ZCCHC14: variants seen among roughly 807,000 people sequenced by gnomAD.
The protein encoded by ZCCHC14 is zinc finger CCHC-type containing 14.
In ZCCHC14, 16 loss-of-function variants were observed where a neutral mutation model predicts 85.0. The observed-to-expected ratio is 0.19, with a 90% CI of 0.13 to 0.29. ZCCHC14 has a LOEUF of 0.29. Ranked by LOEUF, ZCCHC14 falls within the 10% of genes least tolerant of loss-of-function variation. ZCCHC14 has a pLI of 1.00. For synonymous variants in ZCCHC14, 775 were observed against 630.7 expected (o/e 1.23, Z -3.43); for missense variants, 1,303 against 1,443.5 (o/e 0.90, Z 1.58).
chr16:87,490,014 G>A (rs1912680839), intron 1 of ZCCHC14, among the ~76,000 whole-genome samples: 1 of 152,134 alleles, frequency 6.6e-6, no homozygotes, highest in Non-Finnish European at 1.5e-5. Context: ...GGCATGTCAA[G>A]GCTTACATGG....
chr16:87,449,979 A>AGGCT (rs1910617075), intron 2 of ZCCHC14, among the ~76,000 whole-genome samples: 1 of 152,242 alleles, frequency 6.6e-6, no homozygotes, highest in Admixed American at 6.5e-5. Flanking sequence ...CCAGAGGTCG[A>AGGCT]GGCTGCACTG....
intron 1 of ZCCHC14, among the ~76,000 whole-genome samples, chr16:87,479,955 A>G (rs1446665879): frequency 6.7e-6 from 1 of 150,314 alleles, no homozygotes; most frequent in Non-Finnish European, 1.5e-5. Flanking sequence ...TTTTTTTTTT[A>G]AATAGAGATG....
chr16:87,481,065 T>C (rs756314023), intron 1 of ZCCHC14, among the ~76,000 whole-genome samples: 21 of 152,124 alleles, frequency 1.4e-4, no homozygotes, highest in Non-Finnish European at 2.5e-4. Context: ...AGGGAACTGA[T>C]GTCAGAGGCT....
chr16:87,417,374 T>A, intron 8 of ZCCHC14, 86 bp downstream of exon 8: 1 of 1,544,490 alleles, frequency 6.5e-7, no homozygotes, highest in South Asian at 1.2e-5. Flanking sequence ...ATCCACCTTG[T>A]GTTGGTTTGG....
At chr16:87,484,721 G>C (rs1178772483) in intron 1 of ZCCHC14, among the ~76,000 whole-genome samples, 1 of 152,216 alleles carries the variant, frequency 6.6e-6, no homozygotes, top group Non-Finnish European at 1.5e-5. Flanking sequence ...GAGAAGAGGG[G>C]CTGGTAGAGA....
In ZCCHC14 at chr16:87,418,883, A is replaced by G. The variant is rs775067838; in HGVS notation, c.1064T>C (p.Leu355Pro). Residue 355 changes from leucine (L) to proline (P), a missense_variant, in exon 7 of 13, where the codon CTT (leucine) becomes CCT (proline). Coordinates refer to ENST00000671377, the MANE Select transcript of ZCCHC14 (RefSeq NM_015144.3). ...GCCCATCACGGTACCTACTTTAGAA[A>G]GGGAGGGATTGCCAGGACCTATAAA... ...LQSPSPGNPS[L>P]SKVGTVMGVS... 1.2e-6 allele frequency: 2 copies of G among 1,613,238 alleles called. No individual in the cohort carries two copies. Among genetic ancestry groups the G allele is most frequent in the Admixed American group, 1.7e-5 (1 of 60,018 alleles).
intron 3 of ZCCHC14, among the ~76,000 whole-genome samples, chr16:87,425,462 G>A (rs1030097587): frequency 6.6e-6 from 1 of 152,056 alleles, no homozygotes; most frequent in East Asian, 1.9e-4. Flanking sequence ...TGTAATCCTA[G>A]CTACTTGGGA....
rs531023491 is a variant in ZCCHC14 at position 87,451,808 on chromosome 16, C to T, written c.694+8200G>A. On this transcript the variant is annotated intron_variant, in intron 2 of 12. Coordinates refer to ENST00000671377, the MANE Select transcript of ZCCHC14 (RefSeq NM_015144.3). ...AAGGAAGAAGGTCACACAGAGGCAGCAGCTCCCTGGCTGGTGACACCACAG... is the reference window on the plus strand; with the variant it reads ...AAGGAAGAAGGTCACACAGAGGCAGTAGCTCCCTGGCTGGTGACACCACAG... Among the ~76,000 whole-genome samples the T allele has an allele frequency of 5.3e-5, 8 of 152,346 alleles. No homozygotes were observed. In the East Asian group the frequency reaches 1.5e-3, roughly 29 times the overall value.
chr16:87,478,309 A>G (rs7200522), intron 1 of ZCCHC14, among the ~76,000 whole-genome samples: 57,899 of 152,118 alleles, frequency 0.38, 15,759 homozygotes, highest in African/African-American at 0.76. Context: ...TAAGCCAGCA[A>G]GAATTCCATG....
chr16:87,457,634 A>G (rs1282085505), intron 2 of ZCCHC14, among the ~76,000 whole-genome samples: 1 of 152,218 alleles, frequency 6.6e-6, no homozygotes. Flanking sequence ...TATAAATTAA[A>G]CTGTATCACT....
chr16:87,426,613 C>T (rs552191725), intron 3 of ZCCHC14, among the ~76,000 whole-genome samples: 2 of 152,160 alleles, frequency 1.3e-5, no homozygotes, highest in Non-Finnish European at 2.9e-5. Context: ...TGGAGCCATG[C>T]GGCCTCATTC....
intron 3 of ZCCHC14, among the ~76,000 whole-genome samples, chr16:87,424,731 G>T (rs1909282573): frequency 6.6e-6 from 1 of 152,076 alleles, no homozygotes; most frequent in Non-Finnish European, 1.5e-5. Flanking sequence ...TTTCTGCATG[G>T]AGAAGAGCTT....
intron 1 of ZCCHC14, among the ~76,000 whole-genome samples, chr16:87,476,529 G>T (rs1322687452): frequency 6.6e-6 from 1 of 151,972 alleles, no homozygotes; most frequent in African/African-American, 2.4e-5. Flanking sequence ...ACAAGGCGGG[G>T]TACGGTATTA....
intron 10 of ZCCHC14, 44 bp downstream of exon 10, chr16:87,414,370 C>T (rs376059227): frequency 6.2e-7 from 1 of 1,611,952 alleles, no homozygotes; most frequent in African/African-American, 1.3e-5. Flanking sequence ...CACGGGCCCT[C>T]TCTGTGTATG....
chr16:87,417,689 T>A lies in ZCCHC14; in HGVS notation c.1154A>T (p.His385Leu). ...GGCGGAGCCGGCCGGGTGCTGCCCGTGGTGCTGGGCTCCGCTCTGCGAGGA... is the reference window on the plus strand; with the variant it reads ...GGCGGAGCCGGCCGGGTGCTGCCCGAGGTGCTGGGCTCCGCTCTGCGAGGA... ...IPSSQSGAQH[H>L]GQHPAGSAAP... Residue 385 changes from histidine (H) to leucine (L), a missense_variant, in exon 8 of 13, where the codon CAC becomes CTC. His to Leu is a moderately conservative substitution (Grantham distance 99). Transcript: ENST00000671377. The A allele has an allele frequency of 1.2e-6, 2 of 1,610,092 alleles. No homozygotes were observed. Among genetic ancestry groups the A allele is most frequent in the Non-Finnish European group, 1.7e-6 (2 of 1,178,744 alleles).
chr16:87,450,568 CTTTTTT>C (rs896071309), intron 2 of ZCCHC14, among the ~76,000 whole-genome samples: 1 of 125,592 alleles, frequency 8.0e-6, no homozygotes, highest in Admixed American at 8.0e-5. Context: ...ATAATAGATT[CTTTTTT>C]TTTTTTTTTT....
intron 1 of ZCCHC14, among the ~76,000 whole-genome samples, chr16:87,481,658 T>G (rs181252654): frequency 6.7e-6 from 1 of 150,266 alleles, no homozygotes; most frequent in East Asian, 2.0e-4. Flanking sequence ...ACGGTGTCAC[T>G]GGAGACAAAT....
chr16:87,412,651 C>T lies in ZCCHC14; in HGVS notation c.2070G>A (p.Lys690=). 6.2e-7 allele frequency: 1 copy of T among 1,614,222 alleles called. No homozygotes were observed. Among genetic ancestry groups the T allele is most frequent in the Non-Finnish European group, 8.5e-7 (1 of 1,180,050 alleles). The part of the protein sequence containing the change: ...SGPRSSMKVD[K]SFGSAMMDVL... ...CGTCCATCATGGCGCTGCCAAAGCT[C>T]TTGTCCACTTTCATGCTGCTTCTTG... Residue 690 remains lysine, a synonymous_variant, in exon 12 of 13, where the codon AAG becomes AAA. Transcript: ENST00000671377.
chr16:87,411,690 G>A lies in ZCCHC14; in HGVS notation c.3031C>T (p.Pro1011Ser). The change falls in exon 12 of 13, where the codon CCC becomes TCC. Residue 1011 changes from proline (P) to serine (S), a missense_variant. Around this residue, in one of 7 missense-constraint regions of ZCCHC14, gnomAD observed 797 missense variants for 730.8 expected, o/e 1.09. Transcript: ENST00000671377. Reference sequence around the variant, plus strand: ...GTCCCTGCCATGAAGTTCTGCATGGGTGGCACGGCAAACGTGGACTGCCCA... The same window carrying A: ...GTCCCTGCCATGAAGTTCTGCATGGATGGCACGGCAAACGTGGACTGCCCA... ...LSGQSTFAVP[P>S]MQNFMAGTAG... The A allele has an allele frequency of 1.9e-6, 3 of 1,614,124 alleles. No homozygotes were observed. Among genetic ancestry groups the A allele is most frequent in the South Asian group, 2.2e-5 (2 of 91,086 alleles).
Sources: allele counts gnomAD v4.1 joint callset (sites outside exome capture counted in the v4.1 genomes callset), GRCh38; gene constraint gnomAD v4.1.1; regional missense constraint gnomAD v4.1.1; transcripts MANE v1.5; gene names NCBI Gene and HGNC (gene_info 2026-07-23, HGNC 2026-07-21).